The following ETV6 variants were observed in gnomAD, a reference collection of about 807,000 sequenced individuals.
The protein encoded by ETV6 is transcription factor ETV6.
A neutral mutation model predicts 51.1 loss-of-function variants in ETV6; 16 were observed. That is an observed-to-expected ratio of 0.31 (90% CI 0.21 to 0.48). ETV6 has a LOEUF of 0.48. Ranked by LOEUF, ETV6 falls within the 20% of genes least tolerant of loss-of-function variation. ETV6 has a pLI of 0.99. For missense variants in ETV6, 458 were observed against 594.8 expected, an observed-to-expected ratio of 0.77 and a Z score of 2.39; for synonymous variants, 240 against 224.1, an observed-to-expected ratio of 1.07 and a Z score of -0.64.
chr12:11,803,839 T>A (rs1396853486), intron 2 of ETV6, among the ~76,000 whole-genome samples: 1 of 152,220 alleles, frequency 6.6e-6, no homozygotes, highest in African/African-American at 2.4e-5. Context: ...TAAGAATAAT[T>A]GCTATTTTCA....
At chr12:11,773,063 G>A (rs1257879078) in intron 2 of ETV6, among the ~76,000 whole-genome samples, 19 of 151,672 alleles carry the variant, frequency 1.3e-4, no homozygotes, top group African/African-American at 2.2e-4. Flanking sequence ...GTGTGGTGGC[G>A]GACACCTGTA....
At chr12:11,683,291 G>A (rs1264443958) in intron 1 of ETV6, among the ~76,000 whole-genome samples, 1 of 152,178 alleles carries the variant, frequency 6.6e-6, no homozygotes, top group African/African-American at 2.4e-5. Flanking sequence ...TGATCCGCCA[G>A]CCTTGGCCTT....
chr12:11,748,235 C>G (rs557887730), intron 1 of ETV6, among the ~76,000 whole-genome samples: 1 of 152,338 alleles, frequency 6.6e-6, no homozygotes, highest in African/African-American at 2.4e-5. Context: ...GTCCATGACA[C>G]TCTTCCTCCT....
At chr12:11,807,168 G>A (rs1468402395) in intron 2 of ETV6, among the ~76,000 whole-genome samples, 5 of 152,166 alleles carry the variant, frequency 3.3e-5, no homozygotes, top group African/African-American at 7.2e-5. Context: ...GATTGTGATC[G>A]GATGTAACTA....
intron 3 of ETV6, among the ~76,000 whole-genome samples, chr12:11,842,097 AAG>A (rs1325924658): frequency 1.1e-4 from 16 of 148,248 alleles, no homozygotes; most frequent in South Asian, 2.1e-4. Flanking sequence ...AAAAAAAAAA[AAG>A]AAGAAGAAGG....
chr12:11,785,892 C>T (rs1028842566), intron 2 of ETV6, among the ~76,000 whole-genome samples: 3 of 152,136 alleles, frequency 2.0e-5, no homozygotes, highest in Non-Finnish European at 2.9e-5. Flanking sequence ...TGGACACTGG[C>T]GTTAGCTGGA....
chr12:11,828,086 C>T (rs1319035720), intron 2 of ETV6, among the ~76,000 whole-genome samples: 1 of 152,028 alleles, frequency 6.6e-6, no homozygotes, highest in East Asian at 1.9e-4. Flanking sequence ...TTCTTAAACT[C>T]AGGCTTCTTT....
chr12:11,871,138 T>C (rs1946874695), intron 5 of ETV6, among the ~76,000 whole-genome samples: 1 of 151,532 alleles, frequency 6.6e-6, no homozygotes, highest in Non-Finnish European at 1.5e-5. Flanking sequence ...GCCATGCTGA[T>C]GGCAGTGGAA....
chr12:11,764,715 G>A (rs1945139322), intron 2 of ETV6, among the ~76,000 whole-genome samples: 1 of 152,216 alleles, frequency 6.6e-6, no homozygotes, highest in Non-Finnish European at 1.5e-5. Context: ...TGGCCTATGT[G>A]TGTGTGACAG....
In ETV6 at chr12:11,869,284, A is replaced by G; in HGVS notation, c.464-140A>G. 2.8e-6 allele frequency: 2 copies of G among 725,760 alleles called. No individual in the cohort carries two copies. Among genetic ancestry groups the G allele is most frequent in the Non-Finnish European group, 4.5e-6 (2 of 441,696 alleles). The allele number at this position is 725,760 out of a possible 1,614,324, so 45.0% of individuals were successfully genotyped here. A position where few individuals can be genotyped will look rare whatever the true frequency, so the allele number is the denominator to read the frequency against. On this transcript the variant is annotated intron_variant, in intron 4 of 7. Transcript: ENST00000396373. The surrounding 1 kb of genome is among the most constrained non-coding windows in gnomAD (Gnocchi z 5.0). ...GCACCCTTCAAATTGTTAAGCAGTG[A>G]AAAAGACACTGCATTCTGGGGAGAA...
intron 2 of ETV6, among the ~76,000 whole-genome samples, chr12:11,816,637 G>A (rs999896759): frequency 9.9e-5 from 15 of 152,242 alleles, no homozygotes; most frequent in African/African-American, 3.4e-4. Flanking sequence ...AGACCTTAAT[G>A]TATACAGAGA....
intron 2 of ETV6, among the ~76,000 whole-genome samples, chr12:11,794,942 T>C (rs1004446642): frequency 2.6e-5 from 4 of 152,222 alleles, no homozygotes; most frequent in African/African-American, 9.6e-5. Flanking sequence ...TCATCTTACA[T>C]GTCTTGTTTT....
intron 2 of ETV6, among the ~76,000 whole-genome samples, chr12:11,822,537 G>C (rs933242475): frequency 6.6e-6 from 1 of 152,172 alleles, no homozygotes; most frequent in South Asian, 2.1e-4. Context: ...TTATAAAACC[G>C]GAAGAGTGTT....
At chr12:11,883,276 CTTT>C (rs547786286) in intron 5 of ETV6, among the ~76,000 whole-genome samples, 10 of 79,110 alleles carry the variant, frequency 1.3e-4, no homozygotes, top group African/African-American at 3.7e-4. Flanking sequence ...ATGTCTTCTT[CTTT>C]TTTTTTTTTT....
chr12:11,714,234 C>A (rs1865227558), intron 1 of ETV6, among the ~76,000 whole-genome samples: 1 of 152,104 alleles, frequency 6.6e-6, no homozygotes, highest in African/African-American at 2.4e-5. Flanking sequence ...GAAAGAGAGG[C>A]AAGGGAAGAC....
At chr12:11,774,304 AG>A (rs147022281) in intron 2 of ETV6, among the ~76,000 whole-genome samples, 2,481 of 152,290 alleles carry the variant, frequency 0.016, 69 homozygotes, top group African/African-American at 0.057. Context: ...GCCTGACAAC[AG>A]CCCCACCACC....
intron 5 of ETV6, among the ~76,000 whole-genome samples, chr12:11,883,555 A>C (rs1019739626): frequency 8.6e-5 from 13 of 151,930 alleles, no homozygotes; most frequent in Admixed American, 4.6e-4. Flanking sequence ...TCAGCTTCCC[A>C]AAGTGCTGGG....
intron 1 of ETV6, among the ~76,000 whole-genome samples, chr12:11,701,687 T>C (rs1864985300): frequency 6.6e-6 from 1 of 152,216 alleles, no homozygotes; most frequent in Non-Finnish European, 1.5e-5. Context: ...TCAGGGGCTC[T>C]GCCTGTGACC....
In ETV6 at chr12:11,888,542, A is replaced by G. The variant is rs573373808; in HGVS notation, c.1254-2399A>G. Among the ~76,000 whole-genome samples, 13 of 152,138 alleles carry G rather than the reference A, an allele frequency of 8.5e-5. No individual in the cohort carries two copies. In the East Asian group the frequency reaches 2.5e-3, roughly 29 times the overall value. On this transcript the variant is annotated intron_variant, in intron 7 of 7. Transcript: ENST00000396373. ...GCCGTAGCTAATAGTAGCTGGAATT[A>G]CAGGTGCCTGCCACCACACCTGACT...
Sources: allele counts gnomAD v4.1 joint callset (sites outside exome capture counted in the v4.1 genomes callset), GRCh38; gene constraint gnomAD v4.1.1; non-coding constraint Gnocchi (gnomAD v3.1); transcripts MANE v1.5; gene names NCBI Gene and HGNC (gene_info 2026-07-23, HGNC 2026-07-21).